The following EHMT1 variants were observed in gnomAD, a reference collection of about 807,000 sequenced individuals.
The protein encoded by EHMT1 is euchromatic histone lysine methyltransferase 1.
A neutral mutation model predicts 147.2 loss-of-function variants in EHMT1; 15 were observed. That is an observed-to-expected ratio of 0.10 (90% CI 0.07 to 0.16). EHMT1 has a LOEUF of 0.16. EHMT1 is among the 10% of genes least tolerant of loss of function. The pLI is 1.00. For missense variants in EHMT1, 1,587 were observed against 1,772.4 expected (o/e 0.90, Z 1.88); for synonymous variants, 795 against 709.6 (o/e 1.12, Z -1.91).
At chr9:137,711,912 G>A (rs556594098) in intron 2 of EHMT1, among the ~76,000 whole-genome samples, 11 of 152,314 alleles carry the variant, frequency 7.2e-5, no homozygotes, top group Non-Finnish European at 1.5e-4. Flanking sequence ...GCAAGGCCTG[G>A]CTCCTCATGG....
At chr9:137,697,028 C>G (rs1943449603) in intron 1 of EHMT1, 3 of 304,866 alleles carry the variant, frequency 9.8e-6, no homozygotes, top group Non-Finnish European at 2.1e-5. Flanking sequence ...CACCTGTGAT[C>G]CCAGCACTCT....
intron 14 of EHMT1, among the ~76,000 whole-genome samples, chr9:137,780,146 T>TGACGCTGAGATGTGTGGTGATGACGGC (rs1951280813): frequency 6.8e-6 from 1 of 146,850 alleles, no homozygotes; most frequent in Non-Finnish European, 1.5e-5. Flanking sequence ...TGTGTGGTGA[T>TGACGCTGAGATGTGTGGTGATGACGGC]GACGCTGAGA....
intron 1 of EHMT1, among the ~76,000 whole-genome samples, chr9:137,628,875 G>A (rs912816522): frequency 1.3e-5 from 2 of 152,184 alleles, no homozygotes; most frequent in Non-Finnish European, 2.9e-5. Flanking sequence ...TGCTGAAAGA[G>A]CTGTGTAGGT....
intron 14 of EHMT1, among the ~76,000 whole-genome samples, chr9:137,781,299 A>G (rs1419341945): frequency 8.6e-6 from 1 of 116,950 alleles, no homozygotes. Context: ...ATGTGTGGTG[A>G]TGACGGCATC....
chr9:137,704,656 A>T (rs773510684), intron 1 of EHMT1, among the ~76,000 whole-genome samples: 35 of 151,632 alleles, frequency 2.3e-4, no homozygotes, highest in Non-Finnish European at 4.7e-4. Context: ...TTTTACTTTG[A>T]TCCTTCTATC....
At chr9:137,779,854 G>A (rs946661011) in intron 14 of EHMT1, 137 bp downstream of exon 14, 17 of 930,936 alleles carry the variant, frequency 1.8e-5, no homozygotes, top group Admixed American at 1.7e-4. Context: ...GTTCTCTGAT[G>A]AGTGAGAATA....
Position 137,817,514 on chromosome 9 carries a change from C to A in EHMT1, c.3450C>A (p.Thr1150=), listed in dbSNP as rs1312758087. The part of the protein sequence containing the change: ...VRSLQDIPPG[T]FVCEYVGELI... ...CCCTGCAGGACATCCCACCAGGCAC[C>A]TTTGTCTGCGAGTGAGTGAGTCCCT... is the stretch of plus-strand genomic sequence containing the variant. The change falls in exon 24 of 27, where the codon ACC becomes ACA. Residue 1150 remains threonine (T), a synonymous_variant. Coordinates refer to ENST00000460843, the MANE Select transcript of EHMT1 (RefSeq NM_024757.5). The A allele has an allele frequency of 6.2e-7, 1 of 1,614,208 alleles. No homozygotes were observed. The highest frequency in any genetic ancestry group is 8.5e-7 in the Non-Finnish European group (1 of 1,180,040).
rs1287826002 is a variant in EHMT1 at position 137,828,566 on chromosome 9, G to T, written c.3541-5783G>T. On this transcript the variant is annotated intron_variant, in intron 25 of 26. Transcript: ENST00000460843. This position sits in a 1 kb window ranked among gnomAD's most constrained non-coding sequence, Gnocchi z 5.3. ...GGCTCGTCCTGAGAAGCCACAAAGT[G>T]TGCTCCTGCGGGGGTGCGGGGTGGG... is the stretch of plus-strand genomic sequence containing the variant. Among the ~76,000 whole-genome samples, 3 of 151,884 alleles carry T rather than the reference G, an allele frequency of 2.0e-5. No individual in the cohort carries two copies. The highest frequency in any genetic ancestry group is 4.4e-5 in the Non-Finnish European group (3 of 67,928).
chr9:137,648,876 A>G (rs2133919282), intron 1 of EHMT1, among the ~76,000 whole-genome samples: 1 of 152,222 alleles, frequency 6.6e-6, no homozygotes, highest in East Asian at 1.9e-4. Flanking sequence ...TCATGGCATC[A>G]CTGTTGGGCC....
rs148439349 is a variant in EHMT1, at chr9:137,659,013, C to G, written c.21+39964C>G. 4.7e-4 allele frequency among the ~76,000 whole-genome samples: 72 copies of G among 152,192 alleles called. 1 individual carries two copies. The East Asian group carries it at 0.013, about 28-fold the overall frequency. On this transcript the variant is annotated intron_variant, in intron 1 of 26. Coordinates refer to ENST00000460843, the MANE Select transcript of EHMT1 (RefSeq NM_024757.5). ...ATCCTGCAAGCCCACATCCTCTTTC[C>G]TTGAGTTTGAGTCAATTGAATGTGT... is the stretch of plus-strand genomic sequence containing the variant.
intron 6 of EHMT1, chr9:137,746,431 CT>C (rs1472707150): frequency 1.3e-5 from 2 of 152,148 alleles, no homozygotes; most frequent in African/African-American, 4.8e-5. Flanking sequence ...GTCTTTTGAC[CT>C]TGTCTGTAGT....
At chr9:137,663,469 C>T (rs890547274) in intron 1 of EHMT1, among the ~76,000 whole-genome samples, 3 of 152,116 alleles carry the variant, frequency 2.0e-5, no homozygotes, top group Non-Finnish European at 4.4e-5. Flanking sequence ...ATCCTCAGCA[C>T]ACTTGAGGTC....
Position 137,779,650 on chromosome 9 carries a change from C to T in EHMT1, c.2208C>T (p.Arg736=), listed in dbSNP as rs751915940. ...ALDSEKPKKL[R]FHPKQLYFSA... Reference sequence around the variant, plus strand: ...CTTCCCACAGACCCAAGAAGCTTCGCTTCCACCCAAAGCAGCTGTACTTCT... The same window carrying T: ...CTTCCCACAGACCCAAGAAGCTTCGTTTCCACCCAAAGCAGCTGTACTTCT... The change falls in exon 14 of 27, where the codon CGC becomes CGT. Residue 736 remains arginine (R), a synonymous_variant. Coordinates refer to ENST00000460843, the MANE Select transcript of EHMT1 (RefSeq NM_024757.5). 1 of 1,613,970 alleles carries T rather than the reference C, an allele frequency of 6.2e-7. No individual in the cohort carries two copies. Among genetic ancestry groups the T allele is most frequent in the Non-Finnish European group, 8.5e-7 (1 of 1,180,044 alleles).
intron 18 of EHMT1, among the ~76,000 whole-genome samples, chr9:137,806,251 A>C (rs937948941): frequency 2.0e-5 from 3 of 151,912 alleles, no homozygotes; most frequent in South Asian, 4.2e-4. Flanking sequence ...ATGAGCCACC[A>C]CGCCCAGCCG....
chr9:137,721,252 C>A (rs1945960948), intron 3 of EHMT1, among the ~76,000 whole-genome samples: 1 of 151,696 alleles, frequency 6.6e-6, no homozygotes. Flanking sequence ...ACACTCGCCC[C>A]CTCCCAGACT....
At chr9:137,829,114 G>A (rs554505863) in intron 25 of EHMT1, among the ~76,000 whole-genome samples, 2 of 152,290 alleles carry the variant, frequency 1.3e-5, no homozygotes, top group South Asian at 2.1e-4. Flanking sequence ...CGTGCCGTGC[G>A]CCCACTGCCA....
rs536016304 is a variant in EHMT1 at position 137,640,320 on chromosome 9, C to G, written c.21+21271C>G. Among the ~76,000 whole-genome samples, 11 of 151,926 alleles carry G rather than the reference C, an allele frequency of 7.2e-5. No homozygotes were observed. In the South Asian group the frequency reaches 8.3e-4, roughly 12 times the overall value. ...TTTAGAGACCTGGTCTTGCTGTTAC[C>G]CTGGCTGGAGTGCAGTGGCGTGATC... On this transcript the variant is annotated intron_variant, in intron 1 of 26. Coordinates refer to ENST00000460843, the MANE Select transcript of EHMT1 (RefSeq NM_024757.5).
chr9:137,694,524 T>A (rs1383678396), intron 1 of EHMT1, among the ~76,000 whole-genome samples: 3 of 151,748 alleles, frequency 2.0e-5, no homozygotes, highest in African/African-American at 7.3e-5. Flanking sequence ...GTCGGCAGTC[T>A]TGTTGGTCAG....
chr9:137,704,982 C>T (rs1944143045), intron 1 of EHMT1, among the ~76,000 whole-genome samples: 1 of 137,572 alleles, frequency 7.3e-6, no homozygotes, highest in South Asian at 2.8e-4. Flanking sequence ...TCTCTCTCTT[C>T]CTTTTCCATT....
Sources: gnomAD v4.1 joint callset for allele counts (sites outside exome capture counted in the v4.1 genomes callset) on GRCh38, gnomAD v4.1.1 for gene constraint, Gnocchi (gnomAD v3.1) non-coding constraint, MANE v1.5 for transcripts, NCBI Gene and HGNC (gene_info 2026-07-23, HGNC 2026-07-21) for gene names.